CTNNA3: variants seen among roughly 807,000 people sequenced by gnomAD.
CTNNA3 encodes catenin alpha-3.
Under a neutral mutation model 95.7 loss-of-function variants are expected in CTNNA3, and 76 were observed. The observed-to-expected ratio is 0.79, with a 90% CI of 0.66 to 0.96. The LOEUF (loss-of-function observed/expected upper bound fraction) is 0.96, where lower values mean the gene tolerates loss of function less well. CTNNA3 is among the 40% of genes least tolerant of loss of function. The pLI, the probability that CTNNA3 is intolerant of heterozygous loss-of-function variation, is 0.00. For missense variants in CTNNA3, 1,191 were observed against 1,089.8 expected (o/e 1.09, Z -1.31); for synonymous variants, 431 against 374.4 (o/e 1.15, Z -1.74).
At position 66,252,935 on chromosome 10, in the gene CTNNA3, A is replaced by C. The variant is rs7070671; in HGVS notation, c.1884+27535T>G. ...GGAGATAGAGAGGTATGCATTTTCT[A>C]GCTGAAAATACAAACTGTTTACATA... On this transcript the variant is annotated intron_variant, in intron 13 of 17. Transcript: ENST00000433211. Among the ~76,000 whole-genome samples the C allele has an allele frequency of 5.2e-3, 790 of 152,298 alleles. 5 individuals are homozygous for C. The highest frequency in any genetic ancestry group is 0.018 in the African/African-American group (742 of 41,570).
At chr10:67,080,516 G>T in intron 7 of CTNNA3, among the ~76,000 whole-genome samples, 2 of 152,228 alleles carry the variant, frequency 1.3e-5, no homozygotes, top group South Asian at 4.1e-4. Context: ...CCTCAGAGAG[G>T]AAATTTATGT....
chr10:67,418,986 AT>A (rs1418585651), intron 5 of CTNNA3, among the ~76,000 whole-genome samples: 1 of 152,220 alleles, frequency 6.6e-6, no homozygotes, highest in African/African-American at 2.4e-5. Context: ...TTATTTGTCA[AT>A]TAAAATAAAT....
At chr10:66,020,916 G>A (rs990406696) in intron 15 of CTNNA3, among the ~76,000 whole-genome samples, 15 of 151,908 alleles carry the variant, frequency 9.9e-5, no homozygotes, top group Middle Eastern at 6.8e-3. Context: ...CTCATGATCC[G>A]CCCTCCTTGG....
At chr10:67,381,414 T>C (rs1455627075) in intron 5 of CTNNA3, among the ~76,000 whole-genome samples, 1 of 152,092 alleles carries the variant, frequency 6.6e-6, no homozygotes, top group Non-Finnish European at 1.5e-5. Context: ...GTGTTTCATA[T>C]CAAGAACTAC....
At chr10:66,554,371 C>T (rs1157920738) in intron 10 of CTNNA3, among the ~76,000 whole-genome samples, 1 of 152,042 alleles carries the variant, frequency 6.6e-6, no homozygotes, top group Non-Finnish European at 1.5e-5. Context: ...TTTTTAGACT[C>T]TTTAAATCTA....
intron 13 of CTNNA3, among the ~76,000 whole-genome samples, chr10:66,180,736 A>G (rs2085996827): frequency 6.6e-6 from 1 of 152,202 alleles, no homozygotes; most frequent in Non-Finnish European, 1.5e-5. Context: ...CTTGTAAACT[A>G]TTAAACCTTA....
intron 13 of CTNNA3, among the ~76,000 whole-genome samples, chr10:66,117,885 T>C (rs987137236): frequency 4.6e-5 from 7 of 152,282 alleles, no homozygotes; most frequent in East Asian, 1.9e-4. Context: ...CTGGTGTGTG[T>C]GGATATACAG....
intron 5 of CTNNA3, among the ~76,000 whole-genome samples, chr10:67,332,453 A>T (rs1284792506): frequency 6.6e-6 from 1 of 152,146 alleles, no homozygotes; most frequent in Non-Finnish European, 1.5e-5. Flanking sequence ...ACTTTCTGTG[A>T]ACTGTAGAGA....
chr10:66,800,535 TAAAC>T (rs746284735), intron 7 of CTNNA3, among the ~76,000 whole-genome samples: 6 of 151,082 alleles, frequency 4.0e-5, no homozygotes, highest in South Asian at 4.2e-4. Context: ...AAAAAATACA[TAAAC>T]AAAATAAGGC....
chr10:66,495,809 C>T (rs2456682), intron 11 of CTNNA3, among the ~76,000 whole-genome samples: 19,794 of 151,992 alleles, frequency 0.13, 2,314 homozygotes, highest in East Asian at 0.52. Context: ...GCGTGCACCA[C>T]AACACCAAGC....
intron 13 of CTNNA3, among the ~76,000 whole-genome samples, chr10:66,121,910 T>C (rs1564668490): frequency 6.6e-6 from 1 of 152,210 alleles, no homozygotes; most frequent in Non-Finnish European, 1.5e-5. Flanking sequence ...AGTAAAATTG[T>C]TTCTGGTACA....
chr10:67,204,402 A>C (rs1863795255), intron 6 of CTNNA3, among the ~76,000 whole-genome samples: 1 of 152,064 alleles, frequency 6.6e-6, no homozygotes, highest in South Asian at 2.1e-4. Flanking sequence ...TGCTCCAGCC[A>C]TGTAAGACAT....
intron 5 of CTNNA3, among the ~76,000 whole-genome samples, chr10:67,288,950 G>A (rs1327665550): frequency 3.3e-5 from 5 of 152,152 alleles, no homozygotes; most frequent in South Asian, 2.1e-4. Context: ...GCAAGAGAGC[G>A]AGATCCTGTC....
chr10:66,081,988 G>C (rs1435419195), intron 14 of CTNNA3, among the ~76,000 whole-genome samples: 1 of 151,792 alleles, frequency 6.6e-6, no homozygotes, highest in East Asian at 1.9e-4. Flanking sequence ...CATGGTGGTG[G>C]GTGCCTGTAA....
In CTNNA3 at chr10:65,915,834, T is replaced by A. The variant is rs1362442649; in HGVS notation, c.*4496A>T. ...TATTCTTTATTTTGCTTTAATAGAA[T>A]ATATGTTTTTGTTCATATGAATTGG... On this transcript the variant is annotated 3_prime_UTR_variant, in exon 18 of 18. Transcript: ENST00000433211. 1 of 152,226 alleles carries A rather than the reference T, an allele frequency of 6.6e-6. No homozygotes were observed. Among genetic ancestry groups the A allele is most frequent in the Non-Finnish European group, 1.5e-5 (1 of 68,032 alleles). The allele number at this position is 152,226 out of a possible 1,614,324, so 9.4% of individuals were successfully genotyped here. A position where few individuals can be genotyped will look rare whatever the true frequency, so the allele number is the denominator to read the frequency against.
intron 5 of CTNNA3, among the ~76,000 whole-genome samples, chr10:67,266,055 G>A (rs1455236695): frequency 6.6e-6 from 1 of 152,004 alleles, no homozygotes; most frequent in Non-Finnish European, 1.5e-5. Context: ...AATAAAAAGA[G>A]AGACCAAAAT....
At chr10:66,335,796 GC>G (rs2092388388) in intron 12 of CTNNA3, among the ~76,000 whole-genome samples, 1 of 152,112 alleles carries the variant, frequency 6.6e-6, no homozygotes, top group Non-Finnish European at 1.5e-5. Flanking sequence ...GGTTTCTGCT[GC>G]CTTTTGTTTG....
intron 5 of CTNNA3, among the ~76,000 whole-genome samples, chr10:67,226,402 G>A (rs867654700): frequency 6.6e-6 from 1 of 152,118 alleles, no homozygotes; most frequent in Non-Finnish European, 1.5e-5. Context: ...TGAACAGATC[G>A]TCTCCTAGAC....
At chr10:66,979,779 T>C (rs1014305254) in intron 7 of CTNNA3, among the ~76,000 whole-genome samples, 67 of 152,302 alleles carry the variant, frequency 4.4e-4, no homozygotes, top group African/African-American at 1.5e-3. Flanking sequence ...TACAGCTTTT[T>C]CAAAATTTCC....
Sources: allele counts gnomAD v4.1 joint callset (sites outside exome capture counted in the v4.1 genomes callset), GRCh38; gene constraint gnomAD v4.1.1; transcripts MANE v1.5; gene names NCBI Gene and HGNC (gene_info 2026-07-23, HGNC 2026-07-21).